Variants in KTN1 observed in about 807,000 individuals in gnomAD.
KTN1 encodes kinectin 1.
A neutral mutation model predicts 222.5 loss-of-function variants in KTN1; 130 were observed. The observed-to-expected ratio is 0.58, with a 90% CI of 0.51 to 0.68. KTN1 has a LOEUF of 0.68. Ranked by LOEUF, KTN1 falls within the 30% of genes least tolerant of loss-of-function variation. KTN1 has a pLI of 0.00. For synonymous variants in KTN1, 512 were observed against 496.3 expected, an observed-to-expected ratio of 1.03 and a Z score of -0.42; for missense variants, 1,508 against 1,500.4, an observed-to-expected ratio of 1.01 and a Z score of -0.08.
In KTN1 at chr14:55,684,402, T is replaced by C. The variant is rs183539974; in HGVS notation, c.*299T>C. The C allele has an allele frequency of 1.0e-3, 301 of 296,726 alleles. 2 individuals are homozygous for C. The highest frequency in any genetic ancestry group is 6.0e-3 in the African/African-American group (283 of 46,856). The allele number at this position is 296,726 out of a possible 1,614,324, so 18.4% of individuals were successfully genotyped here. On this transcript the variant is annotated 3_prime_UTR_variant, in exon 44 of 44. Transcript: ENST00000395314. ...TTGCTCAATAAAATTGTTCAGAAGA[T>C]CAAAGTGGTAAAGACAATGTAAAAT...
rs147179629 is a variant in KTN1 at position 55,658,556 on chromosome 14, A to T, written c.2903A>T (p.Asp968Val). ...TTTTTATTTAATTAGGATGTACAAG[A>T]TGAAAACAAATTGTTTAAGTCCCAA... ...SKTQLLQDVQDENKLFKSQIE... is the reference protein window; with the variant it reads ...SKTQLLQDVQVENKLFKSQIE... Residue 968 changes from aspartate to valine, a missense_variant, in exon 30 of 44, where the codon GAT becomes GTT. Physicochemically the swap from Asp to Val is radical, Grantham distance 152 (BLOSUM62 -3). Transcript: ENST00000395314. The T allele has an allele frequency of 6.3e-7, 1 of 1,587,170 alleles. No homozygotes were observed. The highest frequency in any genetic ancestry group is 8.6e-7 in the Non-Finnish European group (1 of 1,156,918).
intron 20 of KTN1, 125 bp downstream of exon 20, chr14:55,648,240 T>C (rs999647311): frequency 2.0e-5 from 9 of 453,164 alleles, no homozygotes; most frequent in African/African-American, 1.1e-4. Flanking sequence ...ATTTATAAAT[T>C]TATATAATGC....
chr14:55,605,424 C>G (rs1361651012), intron 1 of KTN1, among the ~76,000 whole-genome samples: 1 of 152,032 alleles, frequency 6.6e-6, no homozygotes, highest in Admixed American at 6.6e-5. Flanking sequence ...GGGCTTATAT[C>G]TGGATAATAA....
Position 55,589,738 on chromosome 14 carries a change from A to G in KTN1, c.-31+9384A>G, listed in dbSNP as rs537658385. Among the ~76,000 whole-genome samples, 5 of 141,012 alleles carry G rather than the reference A, an allele frequency of 3.5e-5. No homozygotes were observed. The East Asian group carries it at 8.5e-4, about 24-fold the overall frequency. 92.5% of individuals were successfully genotyped at this position (141,012 alleles called of 152,430 possible). On this transcript the variant is annotated intron_variant, in intron 1 of 43. Coordinates refer to ENST00000395314, the MANE Select transcript of KTN1 (RefSeq NM_001079521.2). ...CAGTGGCACGATCTCTGCTCACTGC[A>G]ACCTCCGCCTCCCAGGTTCAAGTGA...
In KTN1 at chr14:55,640,428, C is replaced by T; in HGVS notation, c.1969C>T (p.Leu657=). 6.2e-7 allele frequency: 1 copy of T among 1,607,130 alleles called. No homozygotes were observed. The highest frequency in any genetic ancestry group is 8.5e-7 in the Non-Finnish European group (1 of 1,175,724). ...AGCTGAAGTGCAGAAATTACAGGCC[C>T]TGGCAAATGAGCAGGTAGATCTTTA... ...LKAEVQKLQA[L]ANEQAAAAHE... is the part of the protein sequence containing the mutation. The change falls in exon 15 of 44, where the codon CTG becomes TTG. Residue 657 remains leucine, a synonymous_variant. Transcript: ENST00000395314.
chr14:55,671,995 G>T, intron 37 of KTN1, 118 bp downstream of exon 37: 2 of 647,774 alleles, frequency 3.1e-6, no homozygotes. Flanking sequence ...TCCAAAACAT[G>T]TATGTGGGGT....
chr14:55,604,506 A>G (rs2036450565), intron 1 of KTN1, among the ~76,000 whole-genome samples: 1 of 152,162 alleles, frequency 6.6e-6, no homozygotes, highest in African/African-American at 2.4e-5. Flanking sequence ...ATAAAATTTA[A>G]TGACTGTCCA....
chr14:55,657,933 T>C (rs1215654946), intron 29 of KTN1, among the ~76,000 whole-genome samples: 1 of 152,062 alleles, frequency 6.6e-6, no homozygotes, highest in Non-Finnish European at 1.5e-5. Flanking sequence ...AAAAATTACA[T>C]TTTCTTCTAA....
rs9743910 is a variant in KTN1 at position 55,670,689 on chromosome 14, T to C, written c.3268-40T>C. The stretch of plus-strand genomic sequence containing the variant: ...CACCTGTTTTATTTGGATTTTTTTT[T>C]TCTTTGGAAATTAATGATTTTAACT... On this transcript the variant is annotated intron_variant, in intron 34 of 43. Transcript: ENST00000395314. 7,323 of 1,414,684 alleles carry C rather than the reference T, an allele frequency of 5.2e-3. 319 individuals carry two copies. The African/African-American group carries it at 0.093, about 18-fold the overall frequency. The allele number at this position is 1,414,684 out of a possible 1,614,324, so 87.6% of individuals were successfully genotyped here.
At chr14:55,592,736 GTT>G (rs1022198323) in intron 1 of KTN1, among the ~76,000 whole-genome samples, 1 of 152,136 alleles carries the variant, frequency 6.6e-6, no homozygotes, top group African/African-American at 2.4e-5. Context: ...TTTGCATGTG[GTT>G]TTCTTAAATT....
intron 1 of KTN1, among the ~76,000 whole-genome samples, chr14:55,586,134 A>T (rs1190620262): frequency 6.6e-6 from 1 of 152,166 alleles, no homozygotes; most frequent in Admixed American, 6.5e-5. Flanking sequence ...CAGGTCTTAG[A>T]CCTTATTAAC....
chr14:55,599,026 G>A (rs1408041666), intron 1 of KTN1, among the ~76,000 whole-genome samples: 1 of 151,764 alleles, frequency 6.6e-6, no homozygotes, highest in Non-Finnish European at 1.5e-5. Context: ...ATTTTTTGTG[G>A]TACATTGTCA....
rs576809646 is a variant in KTN1, at chr14:55,666,433, T to G, written c.3178-808T>G. Among the ~76,000 whole-genome samples the G allele has an allele frequency of 3.3e-5, 5 of 151,896 alleles. No homozygotes were observed. The South Asian group carries it at 1.0e-3, about 32-fold the overall frequency. The stretch of plus-strand genomic sequence containing the variant: ...TTTTATAGGGGTCTTTTTTTTCAAG[T>G]CTTGTGGAGGTAGTTGAAATGTTAC... On this transcript the variant is annotated intron_variant, in intron 33 of 43. Transcript: ENST00000395314.
chr14:55,655,276 C>A (rs1009694874), intron 28 of KTN1, among the ~76,000 whole-genome samples: 6 of 152,150 alleles, frequency 3.9e-5, no homozygotes, highest in Admixed American at 2.0e-4. Flanking sequence ...ACCATGCTCA[C>A]CCTTGGATTG....
intron 1 of KTN1, among the ~76,000 whole-genome samples, chr14:55,605,391 C>T (rs140328504): frequency 4.6e-5 from 7 of 152,154 alleles, no homozygotes; most frequent in East Asian, 1.9e-4. Flanking sequence ...TGGCTTATCA[C>T]GTGTTCTGTT....
At chr14:55,623,606 A>G (rs546483592) in intron 5 of KTN1, among the ~76,000 whole-genome samples, 31 of 152,328 alleles carry the variant, frequency 2.0e-4, no homozygotes, top group African/African-American at 6.7e-4. Flanking sequence ...CCTGAGCTCA[A>G]TCAGTCGTCC....
At chr14:55,612,816 G>A (rs1391570393) in intron 2 of KTN1, among the ~76,000 whole-genome samples, 7 of 151,972 alleles carry the variant, frequency 4.6e-5, no homozygotes, top group African/African-American at 7.3e-5. Flanking sequence ...ACATTGGGAG[G>A]CTGAAGTGGG....
rs1368143619 is a variant in KTN1, at chr14:55,672,894, T to A, written c.3604-35T>A. 3 of 1,531,552 alleles carry A rather than the reference T, an allele frequency of 2.0e-6. 1 individual carries two copies. The South Asian group carries it at 3.4e-5, about 17-fold the overall frequency. 94.9% of individuals were successfully genotyped at this position (1,531,552 alleles called of 1,614,324 possible). A position where few individuals can be genotyped will look rare whatever the true frequency, so the allele number is the denominator to read the frequency against. On this transcript the variant is annotated intron_variant, in intron 38 of 43. Coordinates refer to ENST00000395314, the MANE Select transcript of KTN1 (RefSeq NM_001079521.2). The stretch of plus-strand genomic sequence containing the variant: ...GGGGAAATATTATGAAAGGAAATTT[T>A]AAGTGTGTTAACTTTTCCTTTGTTG...
At chr14:55,608,448 A>G (rs550380562) in intron 1 of KTN1, among the ~76,000 whole-genome samples, 1 of 152,182 alleles carries the variant, frequency 6.6e-6, no homozygotes, top group African/African-American at 2.4e-5. Context: ...CATACATAAA[A>G]TGTTTTGATC....
Sources: gnomAD v4.1 joint callset for allele counts (sites outside exome capture counted in the v4.1 genomes callset) on GRCh38, gnomAD v4.1.1 for gene constraint, MANE v1.5 for transcripts, NCBI Gene and HGNC (gene_info 2026-07-23, HGNC 2026-07-21) for gene names.